Variants in LPIN1 observed in about 807,000 individuals in gnomAD.
The protein encoded by LPIN1 is phosphatidate phosphatase LPIN1.
A neutral mutation model predicts 107.5 loss-of-function variants in LPIN1; 71 were observed. The observed-to-expected ratio is 0.66, with a 90% CI of 0.55 to 0.80. The LOEUF (loss-of-function observed/expected upper bound fraction) is 0.80. Among genes scored for constraint, LPIN1 ranks in the 30% least tolerant of loss-of-function variants. The pLI, the probability that LPIN1 is intolerant of heterozygous loss-of-function variation, is 0.00. For missense variants in LPIN1, 1,043 were observed against 1,160.6 expected, an observed-to-expected ratio of 0.90 and a Z score of 1.47; for synonymous variants, 445 against 452.6, an observed-to-expected ratio of 0.98 and a Z score of 0.21.
At chr2:11,741,424 G>C (rs1666350515) in exon 2 of LPIN1, 1 of 1,549,070 alleles carries the variant, frequency 6.5e-7, no homozygotes, top group African/African-American at 1.4e-5. Context: ...TCATCCATGA[G>C]CAGAGTAAGC....
intron 17 of LPIN1, among the ~76,000 whole-genome samples, chr2:11,811,842 G>A (rs1424020073): frequency 6.6e-6 from 1 of 152,016 alleles, no homozygotes; most frequent in Non-Finnish European, 1.5e-5. Flanking sequence ...AAAATTAGCT[G>A]GGCGTGGTAG....
intron 5 of LPIN1, 86 bp from the exon 6 acceptor site, chr2:11,776,000 T>C: frequency 2.0e-6 from 1 of 488,412 alleles, no homozygotes; most frequent in Non-Finnish European, 3.8e-6. Flanking sequence ...ATAAAGTATA[T>C]TACATATACT....
chr2:11,808,318 C>T (rs1658811291), intron 17 of LPIN1, among the ~76,000 whole-genome samples: 1 of 152,184 alleles, frequency 6.6e-6, no homozygotes, highest in African/African-American at 2.4e-5. Context: ...AGCCTCCTCA[C>T]ACGAGGGCCT....
chr2:11,804,304 C>A, intron 15 of LPIN1, 119 bp from the exon 16 acceptor site: 1 of 1,055,598 alleles, frequency 9.5e-7, no homozygotes, highest in Non-Finnish European at 1.4e-6. Context: ...TATACAAGGG[C>A]CCAGGGCAGT....
chr2:11,679,115 G>C (rs934154611), intron 1 of LPIN1, among the ~76,000 whole-genome samples: 4 of 152,236 alleles, frequency 2.6e-5, no homozygotes, highest in Non-Finnish European at 4.4e-5. Flanking sequence ...TCTCTCGCCA[G>C]CCTGAGACGC....
At position 11,765,031 on chromosome 2, in the gene LPIN1, C is replaced by T. The variant is rs1670562943; in HGVS notation, c.-9-502C>T. On this transcript the variant is annotated intron_variant, in intron 1 of 20. Transcript: ENST00000674199. The surrounding 1 kb of genome is among the most constrained non-coding windows in gnomAD (Gnocchi z 4.4). ...GTTGGGGTGATAGGCCGTGATGGGC[C>T]ATGATGGGCTGTGATGGATCCTGAT... Among the ~76,000 whole-genome samples, 1 of 152,032 alleles carries T rather than the reference C, an allele frequency of 6.6e-6. No individual in the cohort carries two copies. Among genetic ancestry groups the T allele is most frequent in the African/African-American group, 2.4e-5 (1 of 41,370 alleles).
Position 11,826,122 on chromosome 2 carries a change from T to C in LPIN1, c.*1331T>C, listed in dbSNP as rs879320057. 2 of 152,684 alleles carry C rather than the reference T, an allele frequency of 1.3e-5. No individual in the cohort carries two copies. Among genetic ancestry groups the C allele is most frequent in the Non-Finnish European group, 2.9e-5 (2 of 68,044 alleles). The allele number at this position is 152,684 out of a possible 1,614,324, so 9.5% of individuals were successfully genotyped here. ...TTTGGTAAAAGATTTTGCTTTACTT[T>C]TCGAAGCATTATTTTTTTAAAGAGT... On this transcript the variant is annotated 3_prime_UTR_variant, in exon 21 of 21. Transcript: ENST00000674199.
Position 11,812,641 on chromosome 2 carries a change from G to A in LPIN1, c.2250-2447G>A, listed in dbSNP as rs1572980472. 2.0e-5 allele frequency among the ~76,000 whole-genome samples: 3 copies of A among 152,320 alleles called. No homozygotes were observed. The South Asian group carries it at 6.2e-4, about 32-fold the overall frequency. ...ACCTGTGTGGTTTGCCAGGAGTGAG[G>A]AGTTGGACAGTCATTGCAGATGGGG... is the stretch of plus-strand genomic sequence containing the variant. On this transcript the variant is annotated intron_variant, in intron 17 of 20. Transcript: ENST00000674199.
chr2:11,695,379 T>C (rs372306674), intron 1 of LPIN1, among the ~76,000 whole-genome samples: 6 of 152,176 alleles, frequency 3.9e-5, no homozygotes, highest in African/African-American at 1.4e-4. Context: ...TGAATGAGAC[T>C]TGGGGATGAG....
chr2:11,775,052 C>A (rs537634303), intron 5 of LPIN1, among the ~76,000 whole-genome samples: 7 of 151,454 alleles, frequency 4.6e-5, no homozygotes, highest in Non-Finnish European at 1.0e-4. Context: ...AACAAGCAAT[C>A]AATTTTAAAG....
intron 17 of LPIN1, among the ~76,000 whole-genome samples, chr2:11,810,279 G>T (rs959105821): frequency 6.6e-6 from 1 of 152,218 alleles, no homozygotes; most frequent in Non-Finnish European, 1.5e-5. Context: ...TGATTGACCA[G>T]AGGTGTCAGA....
chr2:11,803,472 C>T lies in LPIN1; in HGVS notation c.2013+439C>T, dbSNP rs532089885. 6.6e-6 allele frequency among the ~76,000 whole-genome samples: 1 copy of T among 152,326 alleles called. No homozygotes were observed. The highest frequency in any genetic ancestry group is 2.4e-5 in the African/African-American group (1 of 41,570). ...GAATTTCAGGTAACCAGGGGCATCACCTGGTCATGGTGTCCTTTTATTTTT... is the reference window on the plus strand; with the variant it reads ...GAATTTCAGGTAACCAGGGGCATCATCTGGTCATGGTGTCCTTTTATTTTT... On this transcript the variant is annotated intron_variant, in intron 15 of 20. Transcript: ENST00000674199. The surrounding 1 kb of genome is among the most constrained non-coding windows in gnomAD (Gnocchi z 4.2).
intron 18 of LPIN1, among the ~76,000 whole-genome samples, chr2:11,815,762 G>T (rs1680472092): frequency 6.6e-6 from 1 of 151,852 alleles, no homozygotes. Flanking sequence ...TAGATTTCTG[G>T]GAACACTGTT....
chr2:11,791,661 G>A, intron 12 of LPIN1: 3 of 1,316,236 alleles, frequency 2.3e-6, no homozygotes, highest in East Asian at 8.8e-5. Context: ...TTGTTGTTGT[G>A]TTGTATTTTA....
chr2:11,807,185 A>G (rs1379416694), intron 17 of LPIN1, among the ~76,000 whole-genome samples: 1 of 152,232 alleles, frequency 6.6e-6, no homozygotes, highest in African/African-American at 2.4e-5. Context: ...TTGCTGGGTC[A>G]AAGGATGAGC....
Position 11,707,141 on chromosome 2 carries a change from A to G in LPIN1, c.82-6615A>G, listed in dbSNP as rs1469567796. Among the ~76,000 whole-genome samples the G allele has an allele frequency of 6.6e-6, 1 of 152,210 alleles. No individual in the cohort carries two copies. The highest frequency in any genetic ancestry group is 1.9e-4 in the East Asian group (1 of 5,204). ...ATGGCAGGAGAGAAAGGAAGGTCCT[A>G]TATTTTAGTAGGAAAAACAGAAAAC... is the stretch of plus-strand genomic sequence containing the variant. On this transcript the variant is annotated intron_variant, in intron 1 of 21. Coordinates refer to the LPIN1 transcript ENST00000449576. This position sits in a 1 kb window ranked among gnomAD's most constrained non-coding sequence, Gnocchi z 4.2.
At chr2:11,816,921 C>G (rs59217232) in intron 18 of LPIN1, 14 of 151,986 alleles carry the variant, frequency 9.2e-5, no homozygotes, top group Middle Eastern at 3.2e-3. Flanking sequence ...CCCTTCCCCC[C>G]CAACCCCCTG....
At chr2:11,795,912 T>TA (rs1676631932) in intron 14 of LPIN1, among the ~76,000 whole-genome samples, 1 of 152,210 alleles carries the variant, frequency 6.6e-6, no homozygotes, top group Non-Finnish European at 1.5e-5. Context: ...GACCAGGACT[T>TA]ACGTTGATAC....
intron 1 of LPIN1, among the ~76,000 whole-genome samples, chr2:11,686,198 G>T (rs1000305514): frequency 6.6e-6 from 1 of 152,160 alleles, no homozygotes; most frequent in Non-Finnish European, 1.5e-5. Context: ...GCGTGCCTAG[G>T]TCTTTGGTGA....
Sources: gnomAD v4.1 joint callset for allele counts (sites outside exome capture counted in the v4.1 genomes callset) on GRCh38, gnomAD v4.1.1 for gene constraint, Gnocchi (gnomAD v3.1) non-coding constraint, MANE v1.5 for transcripts, NCBI Gene and HGNC (gene_info 2026-07-23, HGNC 2026-07-21) for gene names.